The following IDO2 variants were observed in gnomAD, a reference collection of about 807,000 sequenced individuals.
IDO2 encodes the protein indoleamine 2,3-dioxygenase-like 1 protein.
Under a neutral mutation model 45.1 loss-of-function variants are expected in IDO2, and 46 were observed. The observed-to-expected ratio is 1.02, with a 90% CI of 0.80 to 1.30. The LOEUF (loss-of-function observed/expected upper bound fraction) is 1.30, where lower values mean the gene tolerates loss of function less well. IDO2 is among the 50% of genes most tolerant of loss of function. IDO2 has a pLI of 0.00. For synonymous variants in IDO2, 218 were observed against 184.9 expected (o/e 1.18, Z -1.45); for missense variants, 544 against 491.8 (o/e 1.11, Z -1.00).
At chr8:40,006,497 T>G (rs758231233) in intron 9 of IDO2, among the ~76,000 whole-genome samples, 26 of 152,198 alleles carry the variant, frequency 1.7e-4, no homozygotes, top group Non-Finnish European at 2.9e-4. Context: ...AAGGAATATC[T>G]GTATTTACAA....
chr8:39,977,150 T>C (rs1044259787), intron 3 of IDO2, among the ~76,000 whole-genome samples: 1 of 152,166 alleles, frequency 6.6e-6, no homozygotes, highest in Non-Finnish European at 1.5e-5. Flanking sequence ...CAAAATGTAT[T>C]CTATGAAATC....
At chr8:39,960,144 C>T (rs1177894005) in intron 2 of IDO2, among the ~76,000 whole-genome samples, 1 of 152,186 alleles carries the variant, frequency 6.6e-6, no homozygotes, top group African/African-American at 2.4e-5. Flanking sequence ...TTACAGTTTT[C>T]AGACTTCCCT....
chr8:39,951,448 G>A (rs564566097), intron 2 of IDO2, among the ~76,000 whole-genome samples: 2 of 152,184 alleles, frequency 1.3e-5, no homozygotes, highest in South Asian at 4.2e-4. Flanking sequence ...AAGACTCTCA[G>A]TGCTAAATCA....
At chr8:39,947,748 C>G (rs1807759653) in intron 1 of IDO2, among the ~76,000 whole-genome samples, 1 of 151,526 alleles carries the variant, frequency 6.6e-6, no homozygotes, top group Non-Finnish European at 1.5e-5. Context: ...GTAAAAATGG[C>G]CTTACTAAAT....
chr8:39,967,300 G>A (rs924155818), intron 3 of IDO2, among the ~76,000 whole-genome samples: 2 of 152,060 alleles, frequency 1.3e-5, no homozygotes, highest in African/African-American at 4.8e-5. Context: ...AGAAATATTT[G>A]AGTTTTTTAT....
intron 5 of IDO2, among the ~76,000 whole-genome samples, chr8:39,984,436 C>T (rs1808394703): frequency 6.6e-6 from 1 of 152,186 alleles, no homozygotes; most frequent in Non-Finnish European, 1.5e-5. Flanking sequence ...GACTGCACCA[C>T]TGCACTCCAG....
intron 7 of IDO2, 147 bp downstream of exon 7, chr8:39,988,117 C>A (rs1165971334): frequency 9.1e-6 from 5 of 547,794 alleles, no homozygotes; most frequent in Middle Eastern, 8.6e-4. Flanking sequence ...GAGATCTAAG[C>A]TCTAGGCCAC....
Position 39,950,393 on chromosome 8 carries a change from G to A in IDO2, c.99+1129G>A, listed in dbSNP as rs528279365. ...CTAAAAATACAAAAATTGGCCAGGCGTGGTGGCACATGCCTGTAGTTCCAG... is the reference window on the plus strand; with the variant it reads ...CTAAAAATACAAAAATTGGCCAGGCATGGTGGCACATGCCTGTAGTTCCAG... On this transcript the variant is annotated intron_variant, in intron 2 of 10. Coordinates refer to ENST00000502986, the Ensembl canonical transcript of IDO2. 6.6e-5 allele frequency among the ~76,000 whole-genome samples: 10 copies of A among 152,240 alleles called. No homozygotes were observed. The South Asian group carries it at 1.0e-3, about 16-fold the overall frequency.
chr8:40,006,523 G>A (rs550344633), intron 9 of IDO2, among the ~76,000 whole-genome samples: 3 of 152,266 alleles, frequency 2.0e-5, no homozygotes, highest in East Asian at 1.9e-4. Context: ...CCAGTCTAAT[G>A]TATTTTGTTG....
intron 8 of IDO2, among the ~76,000 whole-genome samples, chr8:40,004,525 T>TGATAGATA (rs201569450): frequency 0.22 from 31,340 of 144,236 alleles, 3,486 homozygotes; most frequent in South Asian, 0.25. Flanking sequence ...GACAGACAGA[T>TGATAGATA]GATAGATAGA....
chr8:39,997,483 C>T (rs1176767889), intron 8 of IDO2, among the ~76,000 whole-genome samples: 1 of 150,642 alleles, frequency 6.6e-6, no homozygotes, highest in East Asian at 1.9e-4. Context: ...CCAGCCTGGG[C>T]AACATAGCAA....
At position 39,981,062 on chromosome 8, in the gene IDO2, A is replaced by AT. The variant is rs11299960; in HGVS notation, c.316-1574dup. On this transcript the variant is annotated intron_variant, in intron 4 of 10. Coordinates refer to ENST00000502986, the Ensembl canonical transcript of IDO2. ...CCCCAGCACCCGGCCAGTGCATTGC[A>AT]TTTTTTTTTTTTTTTTCGAGACGGA... Among the ~76,000 whole-genome samples the AT allele has an allele frequency of 1.6e-3, 190 of 121,764 alleles. 1 individual carries two copies. The highest frequency in any genetic ancestry group is 4.6e-3 in the African/African-American group (143 of 31,428). The allele number at this position is 121,764 out of a possible 152,430, so 79.9% of individuals were successfully genotyped here.
chr8:39,983,930 G>A (rs1808387836), intron 5 of IDO2, among the ~76,000 whole-genome samples: 1 of 152,032 alleles, frequency 6.6e-6, no homozygotes, highest in Non-Finnish European at 1.5e-5. Context: ...CGGGAGCTCT[G>A]AGCCCTGGAG....
intron 3 of IDO2, among the ~76,000 whole-genome samples, chr8:39,977,717 T>C (rs944255966): frequency 6.6e-6 from 1 of 152,152 alleles, no homozygotes; most frequent in Non-Finnish European, 1.5e-5. Flanking sequence ...AAGTAACATC[T>C]CAACAGTACT....
chr8:40,013,644 A>G (rs1428595836), exon 10 of IDO2: 7 of 1,613,810 alleles, frequency 4.3e-6, no homozygotes, highest in African/African-American at 2.7e-5. Context: ...CTCCGGCGGG[A>G]GTGCAGCTCA....
intron 8 of IDO2, among the ~76,000 whole-genome samples, chr8:39,998,922 C>T (rs1477309369): frequency 1.3e-5 from 2 of 151,956 alleles, no homozygotes; most frequent in African/African-American, 2.4e-5. Flanking sequence ...GGATTACAGG[C>T]GTGAGCCACC....
chr8:39,986,780 G>C (rs987545178), intron 6 of IDO2: 6 of 152,028 alleles, frequency 3.9e-5, no homozygotes, highest in Non-Finnish European at 7.3e-5. Context: ...CACATGTCAG[G>C]AGAGGGATCC....
At chr8:39,985,433 A>G (rs1808408964) in intron 5 of IDO2, 75 bp from the exon 6 acceptor site, 2 of 1,299,514 alleles carry the variant, frequency 1.5e-6, no homozygotes, top group Non-Finnish European at 2.2e-6. Context: ...TTATTAATAT[A>G]TCTGGTTTAC....
chr8:39,995,155 T>TCTTCTCCTC (rs1554548580), intron 8 of IDO2: 2 of 102,940 alleles, frequency 1.9e-5, no homozygotes, highest in Admixed American at 9.6e-5. Context: ...TTCTTCTTCT[T>TCTTCTCCTC]CTCCTCCTCC....
Sources: gnomAD v4.1 joint callset for allele counts (sites outside exome capture counted in the v4.1 genomes callset) on GRCh38, gnomAD v4.1.1 for gene constraint, MANE v1.5 for transcripts, NCBI Gene and HGNC (gene_info 2026-07-23, HGNC 2026-07-21) for gene names.